Variants in KPNA7 observed in about 807,000 individuals in gnomAD.
The protein encoded by KPNA7 is importin subunit alpha-8.
A neutral mutation model predicts 53.7 loss-of-function variants in KPNA7; 54 were observed. That is an observed-to-expected ratio of 1.01 (90% CI 0.81 to 1.26). The LOEUF is 1.26. Among genes scored for constraint, KPNA7 ranks in the 50% most tolerant of loss-of-function variants. The probability of loss-of-function intolerance (pLI) is 0.00; values close to 1 mark genes in which losing one functional copy is unlikely to be tolerated. For synonymous variants in KPNA7, 276 were observed against 259.3 expected (o/e 1.06, Z -0.62); for missense variants, 640 against 644.5 (o/e 0.99, Z 0.07).
At chr7:99,165,302 T>A in the KPNA7 span, among the ~76,000 whole-genome samples, 15 of 145,328 alleles carry the variant, frequency 1.0e-4, no homozygotes, top group African/African-American at 3.8e-4. Flanking sequence ...CTTGCCTTTT[T>A]AAAAAAAAAA....
the KPNA7 span, among the ~76,000 whole-genome samples, chr7:99,151,672 G>T: frequency 2.0e-5 from 3 of 151,640 alleles, no homozygotes. Flanking sequence ...GCCCAGGCTG[G>T]TCTCAAACCC....
intron 4 of KPNA7, 118 bp downstream of exon 4, chr7:99,195,966 G>A (rs1790209256): frequency 6.6e-6 from 5 of 759,310 alleles, no homozygotes; most frequent in African/African-American, 1.7e-5. Flanking sequence ...GCCTTTTCCT[G>A]TGTTTTACGG....
At chr7:99,202,044 G>A (rs1318981186) in intron 3 of KPNA7, among the ~76,000 whole-genome samples, 2 of 152,028 alleles carry the variant, frequency 1.3e-5, no homozygotes, top group Admixed American at 6.6e-5. Context: ...CTTGGATGGG[G>A]GGATTCTAGG....
intron 7 of KPNA7, among the ~76,000 whole-genome samples, chr7:99,187,790 CTTTT>C (rs763348086): frequency 8.8e-4 from 4 of 4,554 alleles, no homozygotes; most frequent in Admixed American, 2.2e-3. Flanking sequence ...CGTGCCCGGC[CTTTT>C]TTTTTAAAAA....
In KPNA7 at chr7:99,181,949, A is replaced by G; in HGVS notation, c.1251T>C (p.Asn417=). Residue 417 remains asparagine, a synonymous_variant, in exon 9 of 11, where the codon AAT becomes AAC. Coordinates refer to ENST00000327442, the MANE Select transcript of KPNA7 (RefSeq NM_001145715.3). The stretch of plus-strand genomic sequence containing the variant: ...TTTTAACATCTGGGGCAGTGAGCAG[A>G]TTCACCAGTGGCTCCAGGACCCCAG... ...VHSGVLEPLV[N]LLTAPDVKIV... 6.4e-7 allele frequency: 1 copy of G among 1,551,496 alleles called. No homozygotes were observed. Among genetic ancestry groups the G allele is most frequent in the Non-Finnish European group, 8.7e-7 (1 of 1,146,798 alleles).
chr7:99,198,307 C>A (rs1337196190), intron 3 of KPNA7, among the ~76,000 whole-genome samples: 3 of 151,926 alleles, frequency 2.0e-5, no homozygotes, highest in Admixed American at 6.6e-5. Flanking sequence ...ACTCTGATAC[C>A]AAACCAAGGA....
the KPNA7 span, among the ~76,000 whole-genome samples, chr7:99,150,220 T>C: frequency 6.6e-6 from 1 of 151,404 alleles, no homozygotes; most frequent in Non-Finnish European, 1.5e-5. Context: ...CTCAGCCTCC[T>C]GAGTAGCTGA....
chr7:99,188,423 C>A lies in KPNA7; in HGVS notation c.777G>T (p.Ser259=). Reference sequence around the variant, plus strand: ...GGTAGGACAGTGCCCAGCAGGCATCCGAGAGAACCTCACTGTCCTGGTGCT... The same window carrying A: ...GGTAGGACAGTGCCCAGCAGGCATCAGAGAGAACCTCACTGTCCTGGTGCT... ...LLQHQDSEVL[S]DACWALSYLT... The change falls in exon 7 of 11, where the codon TCG becomes TCT. Residue 259 remains serine, a synonymous_variant. Transcript: ENST00000327442. 6.4e-7 allele frequency: 1 copy of A among 1,551,610 alleles called. No individual in the cohort carries two copies. The highest frequency in any genetic ancestry group is 8.7e-7 in the Non-Finnish European group (1 of 1,146,998).
chr7:99,213,288 C>T (rs1584325661), intron 1 of KPNA7, among the ~76,000 whole-genome samples: 1 of 151,668 alleles, frequency 6.6e-6, no homozygotes, highest in Non-Finnish European at 1.5e-5. Flanking sequence ...CACCACACCC[C>T]CCAGCTAACT....
At chr7:99,182,175 C>G (rs1273887611) in intron 8 of KPNA7, 110 bp from the exon 9 acceptor site, 6 of 735,652 alleles carry the variant, frequency 8.2e-6, no homozygotes, top group Admixed American at 3.2e-5. Context: ...ACTGCATGTA[C>G]AATTTACATA....
intron 9 of KPNA7, among the ~76,000 whole-genome samples, chr7:99,180,449 C>T (rs1305494562): frequency 6.6e-6 from 1 of 151,952 alleles, no homozygotes; most frequent in Non-Finnish European, 1.5e-5. Flanking sequence ...CTGCAGTGAG[C>T]GAGGATCACA....
At chr7:99,163,383 A>ATATAT in the KPNA7 span, among the ~76,000 whole-genome samples, 17 of 40,820 alleles carry the variant, frequency 4.2e-4, no homozygotes, top group Non-Finnish European at 5.0e-4. Context: ...ATATATATAT[A>ATATAT]TTTTTTTTTT....
At chr7:99,201,500 A>G (rs906342178) in intron 3 of KPNA7, among the ~76,000 whole-genome samples, 8 of 151,858 alleles carry the variant, frequency 5.3e-5, no homozygotes, top group South Asian at 2.1e-4. Flanking sequence ...CGTCTCTACT[A>G]AAAATACAAA....
At chr7:99,182,438 C>T (rs533788860) in intron 8 of KPNA7, among the ~76,000 whole-genome samples, 87 of 152,182 alleles carry the variant, frequency 5.7e-4, no homozygotes, top group Non-Finnish European at 1.1e-3. Context: ...CCTCATGATG[C>T]GCCTGTCTCG....
the KPNA7 span, among the ~76,000 whole-genome samples, chr7:99,163,372 TATA>T: frequency 1.7e-5 from 1 of 59,788 alleles, no homozygotes; most frequent in Non-Finnish European, 3.5e-5. Context: ...TATATATATA[TATA>T]TATATATATT....
chr7:99,195,211 G>A lies in KPNA7; in HGVS notation c.412C>T (p.Leu138=). The A allele has an allele frequency of 6.4e-7, 1 of 1,551,642 alleles. No homozygotes were observed. The highest frequency in any genetic ancestry group is 8.7e-7 in the Non-Finnish European group (1 of 1,147,004). The change falls in exon 5 of 11, where the codon CTG becomes TTG. Residue 138 remains leucine (L), a synonymous_variant. Transcript: ENST00000327442. ...GAAGTCCCTGAAGCGATGTTGGTCA[G>A]GGCCCAGGCAGCCTCAAACTGCAAG... ...PCLQFEAAWA[L]TNIASGTSEQ...
chr7:99,176,612 G>A (rs1798917785), intron 10 of KPNA7, among the ~76,000 whole-genome samples: 1 of 152,084 alleles, frequency 6.6e-6, no homozygotes, highest in South Asian at 2.1e-4. Context: ...CGGTGGCACA[G>A]ACCTGTAATT....
the KPNA7 span, among the ~76,000 whole-genome samples, chr7:99,146,392 C>A: frequency 6.6e-6 from 1 of 151,994 alleles, no homozygotes; most frequent in Admixed American, 6.6e-5. Flanking sequence ...TCTGATAAAC[C>A]CATAATATGT....
At chr7:99,165,374 G>A in the KPNA7 span, among the ~76,000 whole-genome samples, 1 of 151,562 alleles carries the variant, frequency 6.6e-6, no homozygotes, top group African/African-American at 2.4e-5. Flanking sequence ...ATCCTGAGCT[G>A]AGGAGGAAAG....
Sources: allele counts gnomAD v4.1 joint callset (sites outside exome capture counted in the v4.1 genomes callset), GRCh38; gene constraint gnomAD v4.1.1; transcripts MANE v1.5; gene names NCBI Gene and HGNC (gene_info 2026-07-23, HGNC 2026-07-21).